The following GPC3 variants were observed in gnomAD, a reference collection of about 807,000 sequenced individuals.
GPC3 encodes glypican 3.
In GPC3, 3 loss-of-function variants were observed where a neutral mutation model predicts 34.4. The observed-to-expected ratio is 0.09, with a 90% CI of 0.04 to 0.23. The LOEUF (loss-of-function observed/expected upper bound fraction) is 0.23, where lower values mean the gene tolerates loss of function less well. GPC3 is among the 10% of genes least tolerant of loss of function. The pLI is 1.00. For missense variants in GPC3, 351 were observed against 445.6 expected (o/e 0.79, Z 1.91); for synonymous variants, 177 against 174.0 (o/e 1.02, Z -0.13).
intron 2 of GPC3, among the ~76,000 whole-genome samples, chrX:133,894,506 G>A (rs2076103231): frequency 1.8e-5 from 2 of 111,682 alleles, no homozygotes; most frequent in Admixed American, 9.5e-5. Flanking sequence ...TGACAAGGTC[G>A]CTGTTAATGA....
chrX:133,916,492 C>A (rs1310311215), intron 2 of GPC3, among the ~76,000 whole-genome samples: 1 of 111,492 alleles, frequency 9.0e-6, no homozygotes, highest in African/African-American at 3.3e-5. Context: ...TTAAAAACAG[C>A]CAAAATTGTT....
intron 1 of GPC3, among the ~76,000 whole-genome samples, chrX:133,963,240 G>A (rs1356175730): frequency 8.9e-6 from 1 of 111,853 alleles, no homozygotes; most frequent in Admixed American, 9.5e-5. Context: ...ATCTCCAGAA[G>A]CCAACTAATG....
chrX:133,887,214 C>T (rs2076065522), intron 2 of GPC3, among the ~76,000 whole-genome samples: 1 of 112,136 alleles, frequency 8.9e-6, no homozygotes, highest in Admixed American at 9.5e-5. Context: ...ACCATGTTGC[C>T]CAGGCTTATC....
At chrX:133,710,454 C>T (rs891973532) in intron 3 of GPC3, among the ~76,000 whole-genome samples, 19 of 112,227 alleles carry the variant, frequency 1.7e-4, no homozygotes, top group Admixed American at 9.5e-4. Flanking sequence ...TCTCCCCCAA[C>T]CAGATAGAAA....
intron 2 of GPC3, among the ~76,000 whole-genome samples, chrX:133,827,350 C>T (rs7060866): frequency 2.1e-4 from 23 of 112,118 alleles, no homozygotes; most frequent in African/African-American, 7.1e-4. Context: ...GCGTGTAACC[C>T]CTTTTTTCTT....
At chrX:133,587,164 T>A (rs1219876922) in intron 7 of GPC3, among the ~76,000 whole-genome samples, 1 of 111,984 alleles carries the variant, frequency 8.9e-6, no homozygotes, top group African/African-American at 3.2e-5. Flanking sequence ...CATATACGAA[T>A]GAGAACATGT....
chrX:133,984,923 AGGC>A (rs2076559363), intron 1 of GPC3, among the ~76,000 whole-genome samples: 1 of 111,234 alleles, frequency 9.0e-6, no homozygotes, highest in Admixed American at 9.5e-5. Context: ...CAAATTCATG[AGGC>A]ACCAGCTCGG....
rs2124480639 is a variant in GPC3, at chrX:133,753,989, A to G, written c.525T>C (p.Phe175=). The G allele has an allele frequency of 5.0e-6, 6 of 1,211,317 alleles. No homozygotes were observed. Among genetic ancestry groups the G allele is most frequent in the Admixed American group, 4.3e-5 (2 of 46,004 alleles). ...DMVNELFDSL[F]PVIYTQLMNP... ...TCATTAGCTGGGTATAGATGACTGG[A>G]AACAGGCTGTCAAACAATTCATTGA... is the stretch of plus-strand genomic sequence containing the variant. The change falls in exon 3 of 8, where the codon TTT becomes TTC. Residue 175 remains phenylalanine (F), a synonymous_variant. Coordinates refer to ENST00000370818, the MANE Select transcript of GPC3 (RefSeq NM_004484.4).
At chrX:133,940,183 A>G (rs1286815377) in intron 2 of GPC3, among the ~76,000 whole-genome samples, 1 of 111,662 alleles carries the variant, frequency 9.0e-6, no homozygotes, top group East Asian at 2.8e-4. Context: ...ATTGTTTCAT[A>G]TCAATGGAAT....
chrX:133,953,945 A>C (rs1239205125), intron 1 of GPC3, among the ~76,000 whole-genome samples: 2 of 112,464 alleles, frequency 1.8e-5, no homozygotes, highest in Admixed American at 9.4e-5. Flanking sequence ...AAAGGAAAAC[A>C]AACTGTGGTA....
chrX:133,885,561 GA>G (rs1186975970), intron 2 of GPC3, among the ~76,000 whole-genome samples: 1 of 111,674 alleles, frequency 9.0e-6, no homozygotes, highest in African/African-American at 3.3e-5. Context: ...AAGTTAGAGG[GA>G]GAGTGGAGTG....
chrX:133,591,739 T>C, intron 7 of GPC3, among the ~76,000 whole-genome samples: 1 of 112,057 alleles, frequency 8.9e-6, no homozygotes, highest in Middle Eastern at 4.6e-3. Flanking sequence ...CCAAACACTG[T>C]TTTAACAAGT....
intron 2 of GPC3, among the ~76,000 whole-genome samples, chrX:133,826,302 T>C (rs1217456725): frequency 8.9e-6 from 1 of 111,890 alleles, no homozygotes; most frequent in Non-Finnish European, 1.9e-5. Context: ...AAGGTAAGTA[T>C]CAGAATAATG....
At chrX:133,620,012 A>C (rs1407028868) in intron 6 of GPC3, among the ~76,000 whole-genome samples, 1 of 109,246 alleles carries the variant, frequency 9.2e-6, no homozygotes, top group African/African-American at 3.3e-5. Flanking sequence ...TGATGTCAGG[A>C]GATCAAGACC....
At chrX:133,704,047 G>A (rs1454825695) in intron 3 of GPC3, among the ~76,000 whole-genome samples, 2 of 111,331 alleles carry the variant, frequency 1.8e-5, no homozygotes, top group African/African-American at 6.5e-5. Flanking sequence ...AGCCATCTTG[G>A]GCTGCATGCA....
intron 1 of GPC3, among the ~76,000 whole-genome samples, chrX:133,974,585 T>C (rs1324762815): frequency 1.8e-5 from 2 of 111,726 alleles, no homozygotes; most frequent in Non-Finnish European, 3.8e-5. Context: ...GCAGGTTTTT[T>C]TTTTAAATCA....
At chrX:133,900,386 A>G in intron 2 of GPC3, among the ~76,000 whole-genome samples, 1 of 112,341 alleles carries the variant, frequency 8.9e-6, no homozygotes, top group East Asian at 2.8e-4. Context: ...AAGAAGTACC[A>G]TCAAGTGGTG....
chrX:133,765,671 T>C (rs2071837872), intron 2 of GPC3, among the ~76,000 whole-genome samples: 1 of 111,659 alleles, frequency 9.0e-6, no homozygotes, highest in Admixed American at 9.5e-5. Context: ...CTAAGAAAGG[T>C]CAATTGCCAG....
intron 6 of GPC3, among the ~76,000 whole-genome samples, chrX:133,658,538 G>C: frequency 9.0e-6 from 1 of 111,222 alleles, no homozygotes; most frequent in Non-Finnish European, 1.9e-5. Flanking sequence ...TGACTTCCCT[G>C]AAGTGTCTCA....
Sources: gnomAD v4.1 joint callset for allele counts (sites outside exome capture counted in the v4.1 genomes callset) on GRCh38, gnomAD v4.1.1 for gene constraint, MANE v1.5 for transcripts, NCBI Gene and HGNC (gene_info 2026-07-23, HGNC 2026-07-21) for gene names.